Variants in PALM2AKAP2 observed in about 807,000 individuals in gnomAD.
PALM2AKAP2 encodes PALM2 and AKAP2 fusion.
PALM2AKAP2 carries 37 observed loss-of-function variants against 71.5 expected under a neutral mutation model. That is an observed-to-expected ratio of 0.52 (90% confidence interval 0.40 to 0.68). The LOEUF (loss-of-function observed/expected upper bound fraction) is 0.68, where lower values mean the gene tolerates loss of function less well. Among genes scored for constraint, PALM2AKAP2 ranks in the 30% least tolerant of loss-of-function variants. The pLI, the probability that PALM2AKAP2 is intolerant of heterozygous loss-of-function variation, is 0.00. For synonymous variants in PALM2AKAP2, 468 were observed against 478.8 expected (o/e 0.98, Z 0.29); for missense variants, 1,224 against 1,191.8 (o/e 1.03, Z -0.40).
At chr9:109,825,796 G>T (rs1372660977) in intron 1 of PALM2AKAP2, among the ~76,000 whole-genome samples, 1 of 152,012 alleles carries the variant, frequency 6.6e-6, no homozygotes, top group African/African-American at 2.4e-5. Flanking sequence ...CATTGTGGAA[G>T]ACAGTGTGGC....
At chr9:109,813,412 G>C (rs117435644) in intron 1 of PALM2AKAP2, among the ~76,000 whole-genome samples, 24,676 of 152,128 alleles carry the variant, frequency 0.16, 2,631 homozygotes, top group East Asian at 0.35. Flanking sequence ...CCAACAATCT[G>C]TAACGGCCTC....
At chr9:110,156,401 T>C in exon 3 of PALM2AKAP2, 1 of 1,613,096 alleles carries the variant, frequency 6.2e-7, no homozygotes, top group Non-Finnish European at 8.5e-7. Context: ...CTGAAGAGGC[T>C]GCCGGAACCC....
rs186857334 is a variant in PALM2AKAP2 at position 109,874,242 on chromosome 9, A to G, written c.127-6309A>G. Among the ~76,000 whole-genome samples, 42 of 152,322 alleles carry G rather than the reference A, an allele frequency of 2.8e-4. No individual in the cohort carries two copies. The East Asian group carries it at 8.1e-3, about 29-fold the overall frequency. On this transcript the variant is annotated intron_variant, in intron 2 of 9. Coordinates refer to the PALM2AKAP2 transcript ENST00000302798. ...GAGAGAGAGCATCAATATGGAACCC[A>G]CCATTAGAGGAGCTGAAAAATAGTT...
chr9:109,908,852 A>G (rs543127871), intron 3 of PALM2AKAP2, among the ~76,000 whole-genome samples: 1 of 149,098 alleles, frequency 6.7e-6, no homozygotes, highest in African/African-American at 2.4e-5. Flanking sequence ...GCCGATGGGA[A>G]AATCTAACTC....
At chr9:109,886,906 G>C (rs1829978340) in intron 3 of PALM2AKAP2, among the ~76,000 whole-genome samples, 2 of 152,172 alleles carry the variant, frequency 1.3e-5, no homozygotes, top group South Asian at 4.1e-4. Flanking sequence ...CAGAACAGCT[G>C]TCTGTTCTAA....
intron 1 of PALM2AKAP2, among the ~76,000 whole-genome samples, chr9:109,855,460 T>A (rs1829138414): frequency 6.6e-6 from 1 of 152,220 alleles, no homozygotes. Context: ...GCCCAGTATG[T>A]GTTAGGCATG....
At chr9:110,010,567 A>G (rs1364724274) in intron 6 of PALM2AKAP2, among the ~76,000 whole-genome samples, 2 of 147,760 alleles carry the variant, frequency 1.4e-5, no homozygotes, top group Admixed American at 1.4e-4. Flanking sequence ...GAATATATAA[A>G]TTCTCTATAT....
At chr9:110,093,687 C>A (rs984256203) in intron 1 of PALM2AKAP2, among the ~76,000 whole-genome samples, 5 of 152,134 alleles carry the variant, frequency 3.3e-5, no homozygotes, top group Non-Finnish European at 7.3e-5. Flanking sequence ...AGGCTCATCT[C>A]CCCTGCTGCT....
intron 1 of PALM2AKAP2, among the ~76,000 whole-genome samples, chr9:110,056,926 C>T (rs745903818): frequency 2.6e-5 from 4 of 152,196 alleles, no homozygotes; most frequent in Admixed American, 2.0e-4. Context: ...GTGTGAGTGG[C>T]GTAGAGGGTG....
At chr9:110,074,755 C>T (rs930711313) in intron 1 of PALM2AKAP2, among the ~76,000 whole-genome samples, 6 of 152,130 alleles carry the variant, frequency 3.9e-5, no homozygotes, top group Non-Finnish European at 7.4e-5. Context: ...GTAATCCCAG[C>T]ACATTGGGAG....
intron 1 of PALM2AKAP2, among the ~76,000 whole-genome samples, chr9:109,766,115 G>A (rs1045278850): frequency 1.3e-5 from 2 of 152,166 alleles, no homozygotes; most frequent in East Asian, 3.9e-4. Flanking sequence ...ACTGTCTGGG[G>A]AGTCCTTTCG....
chr9:110,013,439 G>A (rs1001889344), intron 6 of PALM2AKAP2, among the ~76,000 whole-genome samples: 2 of 152,200 alleles, frequency 1.3e-5, no homozygotes, highest in African/African-American at 4.8e-5. Flanking sequence ...GTGGCTTAAA[G>A]CAGGAGGGGT....
At chr9:109,966,962 C>T (rs1831961759) in intron 6 of PALM2AKAP2, among the ~76,000 whole-genome samples, 1 of 152,192 alleles carries the variant, frequency 6.6e-6, no homozygotes, top group Admixed American at 6.5e-5. Context: ...TTCTGGTTGT[C>T]TTTTGCCACA....
intron 1 of PALM2AKAP2, among the ~76,000 whole-genome samples, chr9:109,691,932 A>G (rs1282664494): frequency 1.5e-5 from 2 of 133,968 alleles, no homozygotes; most frequent in Admixed American, 1.5e-4. Context: ...ATACACATAT[A>G]TATATATACA....
rs1054906089 is a variant in PALM2AKAP2, at chr9:109,724,425, C to G, written c.6-56063C>G. On this transcript the variant is annotated intron_variant, in intron 1 of 6. Transcript: ENST00000374531. ...ATATGTACAGGTGAATGAAAACGGC[C>G]AAGAAAAACTTGAAAAACCAATAAA... 3.9e-5 allele frequency among the ~76,000 whole-genome samples: 6 copies of G among 152,048 alleles called. No homozygotes were observed. In the East Asian group the frequency reaches 1.2e-3, roughly 29 times the overall value.
At chr9:109,699,805 C>T (rs1828026622) in intron 1 of PALM2AKAP2, among the ~76,000 whole-genome samples, 2 of 147,718 alleles carry the variant, frequency 1.4e-5, no homozygotes, top group South Asian at 4.2e-4. Context: ...GATGGAGTCT[C>T]ACTCTGTCGC....
intron 6 of PALM2AKAP2, among the ~76,000 whole-genome samples, chr9:109,958,293 A>G (rs1030546690): frequency 2.6e-5 from 4 of 152,244 alleles, no homozygotes; most frequent in Non-Finnish European, 5.9e-5. Flanking sequence ...AATGTACCAC[A>G]TAATACTACT....
chr9:109,858,537 G>A (rs979830615), intron 1 of PALM2AKAP2, among the ~76,000 whole-genome samples: 2 of 152,248 alleles, frequency 1.3e-5, no homozygotes, highest in African/African-American at 4.8e-5. Flanking sequence ...CAGGGAGTTC[G>A]TGGCAGAGCC....
At chr9:109,919,711 A>G (rs1204538239) in intron 3 of PALM2AKAP2, among the ~76,000 whole-genome samples, 9 of 143,910 alleles carry the variant, frequency 6.3e-5, no homozygotes, top group African/African-American at 2.4e-4. Flanking sequence ...AGTAGGATGT[A>G]TATATATATA....
Sources: allele counts gnomAD v4.1 joint callset (sites outside exome capture counted in the v4.1 genomes callset), GRCh38; gene constraint gnomAD v4.1.1; transcripts MANE v1.5; gene names NCBI Gene and HGNC (gene_info 2026-07-23, HGNC 2026-07-21).